Variants in ADAMTSL1 observed in about 807,000 individuals in gnomAD.
ADAMTSL1 encodes ADAMTS-like protein 1.
In ADAMTSL1, 126 loss-of-function variants were observed where a neutral mutation model predicts 201.8. The observed-to-expected ratio is 0.62, with a 90% CI of 0.54 to 0.72. The LOEUF is 0.72. ADAMTSL1 is among the 30% of genes least tolerant of loss of function. The pLI, the probability that ADAMTSL1 is intolerant of heterozygous loss-of-function variation, is 0.00. For missense variants in ADAMTSL1, 2,679 were observed against 2,277.8 expected (o/e 1.18, Z -3.59); for synonymous variants, 1,121 against 903.4 (o/e 1.24, Z -4.32).
intron 14 of ADAMTSL1, among the ~76,000 whole-genome samples, chr9:18,716,116 C>T (rs983934717): frequency 6.6e-6 from 1 of 151,330 alleles, no homozygotes; most frequent in African/African-American, 2.4e-5. Context: ...AAACGTTAGA[C>T]CTAAAACCGT....
At chr9:18,500,282 A>G (rs1318505202) in intron 1 of ADAMTSL1, among the ~76,000 whole-genome samples, 1 of 152,276 alleles carries the variant, frequency 6.6e-6, no homozygotes, top group Non-Finnish European at 1.5e-5. Context: ...TAAGCCAGTA[A>G]TGGCAAGAAA....
At chr9:18,599,396 G>A (rs1274091466) in intron 4 of ADAMTSL1, among the ~76,000 whole-genome samples, 1 of 152,204 alleles carries the variant, frequency 6.6e-6, no homozygotes, top group Non-Finnish European at 1.5e-5. Flanking sequence ...ATTATTGAAG[G>A]GGTGGGTGCT....
intron 3 of ADAMTSL1, among the ~76,000 whole-genome samples, chr9:18,553,418 G>C (rs1465027101): frequency 1.3e-5 from 2 of 151,468 alleles, no homozygotes; most frequent in African/African-American, 4.8e-5. Flanking sequence ...TGCTATTTTT[G>C]TCAAGTGTTT....
At chr9:18,539,145 G>A (rs551074071) in intron 3 of ADAMTSL1, among the ~76,000 whole-genome samples, 1 of 152,112 alleles carries the variant, frequency 6.6e-6, no homozygotes, top group African/African-American at 2.4e-5. Flanking sequence ...TACTTGCCAG[G>A]GCCATTTATT....
At chr9:18,425,050 A>G (rs1439453282) in intron 2 of ADAMTSL1, among the ~76,000 whole-genome samples, 2 of 152,192 alleles carry the variant, frequency 1.3e-5, no homozygotes, top group Non-Finnish European at 2.9e-5. Context: ...TACAAACACT[A>G]CTAAAGGTGC....
chr9:18,250,833 A>G, intron 2 of ADAMTSL1, among the ~76,000 whole-genome samples: 1 of 151,730 alleles, frequency 6.6e-6, no homozygotes, highest in Middle Eastern at 3.2e-3. Flanking sequence ...AGAAGAAATG[A>G]CTCGTTTTCT....
chr9:18,072,111 G>C (rs538046745), intron 1 of ADAMTSL1, among the ~76,000 whole-genome samples: 2 of 152,144 alleles, frequency 1.3e-5, no homozygotes, highest in South Asian at 4.2e-4. Flanking sequence ...GCCATGTGCC[G>C]TGGGGATCTT....
intron 2 of ADAMTSL1, among the ~76,000 whole-genome samples, chr9:18,321,431 G>T (rs983347467): frequency 3.3e-5 from 5 of 152,182 alleles, no homozygotes; most frequent in Non-Finnish European, 7.3e-5. Context: ...GGATACGTAA[G>T]ATTTTATCAA....
chr9:18,903,964 C>CTT (rs34983014), intron 26 of ADAMTSL1, among the ~76,000 whole-genome samples: 1 of 149,572 alleles, frequency 6.7e-6, no homozygotes, highest in African/African-American at 2.4e-5. Flanking sequence ...GTTTTAATCA[C>CTT]TTTTTTTTTT....
At chr9:17,987,959 T>C (rs1300764533) in intron 1 of ADAMTSL1, among the ~76,000 whole-genome samples, 1 of 152,134 alleles carries the variant, frequency 6.6e-6, no homozygotes, top group Non-Finnish European at 1.5e-5. Context: ...AAATCTTTTT[T>C]TGAATTACAT....
At chr9:18,488,352 C>T (rs182216862) in intron 1 of ADAMTSL1, among the ~76,000 whole-genome samples, 8 of 152,284 alleles carry the variant, frequency 5.3e-5, no homozygotes, top group East Asian at 1.9e-4. Context: ...TAGCTTCCCA[C>T]GTTTGGTCAG....
At chr9:18,688,234 A>T (rs1247825283) in intron 13 of ADAMTSL1, among the ~76,000 whole-genome samples, 1 of 151,378 alleles carries the variant, frequency 6.6e-6, no homozygotes, top group African/African-American at 2.4e-5. Context: ...AGCTATTCTC[A>T]TGCCTCAGCC....
At chr9:17,970,299 A>G (rs527797859) in intron 1 of ADAMTSL1, among the ~76,000 whole-genome samples, 22 of 152,088 alleles carry the variant, frequency 1.4e-4, no homozygotes, top group African/African-American at 3.6e-4. Context: ...ACCCCCTCCT[A>G]TCTACCCCAA....
intron 20 of ADAMTSL1, among the ~76,000 whole-genome samples, chr9:18,815,697 G>T (rs889621001): frequency 2.3e-5 from 2 of 88,516 alleles, no homozygotes; most frequent in South Asian, 4.0e-4. Flanking sequence ...GCCAAAGCAA[G>T]ACCAACCCTG....
rs114564460 is a variant in ADAMTSL1, at chr9:18,828,346, T to C, written c.4115-1497T>C. 4.4e-3 allele frequency among the ~76,000 whole-genome samples: 664 copies of C among 152,128 alleles called. 6 individuals are homozygous for C. The highest frequency in any genetic ancestry group is 0.015 in the African/African-American group (613 of 41,500). On this transcript the variant is annotated intron_variant, in intron 22 of 28. Coordinates refer to ENST00000380548, the MANE Select transcript of ADAMTSL1 (RefSeq NM_001040272.6). ...CAAAAAGAGCTGATTGTTTTGAAGATGGAAAGTACCCTCCCCTTTTTGCTC... is the reference window on the plus strand; with the variant it reads ...CAAAAAGAGCTGATTGTTTTGAAGACGGAAAGTACCCTCCCCTTTTTGCTC...
At chr9:18,240,354 T>TC (rs397800341) in intron 2 of ADAMTSL1, among the ~76,000 whole-genome samples, 3 of 151,480 alleles carry the variant, frequency 2.0e-5, no homozygotes, top group Admixed American at 1.3e-4. Context: ...TTTTTTTTTT[T>TC]CTAAGCAGCA....
intron 5 of ADAMTSL1, among the ~76,000 whole-genome samples, chr9:18,635,143 G>T (rs1827030764): frequency 6.6e-6 from 1 of 151,598 alleles, no homozygotes; most frequent in African/African-American, 2.4e-5. Context: ...TAATTTAGGT[G>T]AAATTTAACC....
intron 4 of ADAMTSL1, among the ~76,000 whole-genome samples, chr9:18,596,239 G>A (rs764659154): frequency 2.6e-5 from 4 of 152,170 alleles, no homozygotes; most frequent in African/African-American, 7.2e-5. Flanking sequence ...ATACCATCAT[G>A]TCTTTAAGAA....
chr9:18,460,896 T>G (rs115858061), intron 2 of ADAMTSL1, among the ~76,000 whole-genome samples: 3,187 of 152,178 alleles, frequency 0.021, 104 homozygotes, highest in African/African-American at 0.072. Context: ...GAAACCTAAA[T>G]CAAATGGTAC....
Sources: gnomAD v4.1 joint callset for allele counts (sites outside exome capture counted in the v4.1 genomes callset) on GRCh38, gnomAD v4.1.1 for gene constraint, MANE v1.5 for transcripts, NCBI Gene and HGNC (gene_info 2026-07-23, HGNC 2026-07-21) for gene names.